Variants in TCF7L2 observed in about 807,000 individuals in gnomAD.
The protein encoded by TCF7L2 is transcription factor 7 like 2.
In TCF7L2, 23 loss-of-function variants were observed where a neutral mutation model predicts 77.9. That is an observed-to-expected ratio of 0.30 (90% confidence interval 0.21 to 0.42). The LOEUF (loss-of-function observed/expected upper bound fraction) is 0.42. Ranked by LOEUF, TCF7L2 falls within the 10% of genes least tolerant of loss-of-function variation. TCF7L2 has a pLI of 1.00. For missense variants in TCF7L2, 654 were observed against 793.1 expected, an observed-to-expected ratio of 0.82 and a Z score of 2.11; for synonymous variants, 413 against 340.2, an observed-to-expected ratio of 1.21 and a Z score of -2.36.
At chr10:113,033,593 C>T (rs544751350) in intron 4 of TCF7L2, among the ~76,000 whole-genome samples, 155 of 152,256 alleles carry the variant, frequency 1.0e-3, no homozygotes, top group Admixed American at 1.2e-3. Flanking sequence ...ACAGAGTCTA[C>T]CCAACCTTCT....
chr10:112,980,279 G>C (rs923467037), intron 4 of TCF7L2, among the ~76,000 whole-genome samples: 1 of 152,232 alleles, frequency 6.6e-6, no homozygotes, highest in Non-Finnish European at 1.5e-5. Context: ...AGGGCCTTCT[G>C]TGGTTTTTGT....
rs753939765 is a variant in TCF7L2, at chr10:113,160,686, G to A, written c.1386G>A (p.Pro462=). Residue 462 remains proline (P), a synonymous_variant, in exon 13 of 14, where the codon CCG becomes CCA. Transcript: ENST00000627217. ...ACCGACAGACTTTATGGTGCAAACC[G>A]TGCAGGTATATTACCACTGCGAGGC... 38 of 1,591,156 alleles carry A rather than the reference G, an allele frequency of 2.4e-5. No homozygotes were observed. The highest frequency in any genetic ancestry group is 2.9e-5 in the Non-Finnish European group (34 of 1,168,198).
chr10:113,030,847 T>G (rs2050088405), intron 4 of TCF7L2, among the ~76,000 whole-genome samples: 1 of 152,206 alleles, frequency 6.6e-6, no homozygotes, highest in Admixed American at 6.5e-5. Context: ...CCACAGCCCT[T>G]TGGGTGGGAC....
chr10:113,122,971 A>G (rs1351418846), intron 5 of TCF7L2, among the ~76,000 whole-genome samples: 3 of 152,224 alleles, frequency 2.0e-5, no homozygotes, highest in African/African-American at 7.2e-5. Flanking sequence ...TAACATTATC[A>G]AGTCACTAGT....
At chr10:113,036,562 T>G (rs2051291726) in intron 4 of TCF7L2, among the ~76,000 whole-genome samples, 1 of 152,082 alleles carries the variant, frequency 6.6e-6, no homozygotes, top group African/African-American at 2.4e-5. Flanking sequence ...TAACTTAAGC[T>G]CCCTGAGACA....
At chr10:113,085,173 C>T (rs1049099567) in intron 5 of TCF7L2, among the ~76,000 whole-genome samples, 5 of 151,722 alleles carry the variant, frequency 3.3e-5, no homozygotes, top group African/African-American at 1.2e-4. Context: ...CTTAACCAAA[C>T]CTTTCACCTT....
In TCF7L2 at chr10:113,099,058, G is replaced by C. The variant is rs2061355779; in HGVS notation, c.553-42126G>C. On this transcript the variant is annotated intron_variant, in intron 5 of 13. Transcript: ENST00000627217. ...ACTGCAGTGCCATAGTTGTCAGCTT[G>C]TTAGTTATTGGCAAGTCTTGGTTGG... Among the ~76,000 whole-genome samples, 2 of 152,202 alleles carry C rather than the reference G, an allele frequency of 1.3e-5. 1 individual carries two copies. Among genetic ancestry groups the C allele is most frequent in the East Asian group, 3.8e-4 (2 of 5,196 alleles).
At position 113,141,117 on chromosome 10, in the gene TCF7L2, G is replaced by A. The variant is rs1004948256; in HGVS notation, c.553-67G>A. The stretch of plus-strand genomic sequence containing the variant: ...TGTGGCCAAGGGAACCCACGGGCCC[G>A]GTGCTCTGAAGCCCTGGGCTGCTGG... On this transcript the variant is annotated intron_variant, in intron 5 of 13. Transcript: ENST00000627217. The A allele has an allele frequency of 7.6e-6, 12 of 1,588,464 alleles. 1 individual carries two copies. Among genetic ancestry groups the A allele is most frequent in the Admixed American group, 6.8e-5 (4 of 58,478 alleles).
intron 5 of TCF7L2, among the ~76,000 whole-genome samples, chr10:113,049,439 C>T (rs922973589): frequency 6.6e-5 from 10 of 152,042 alleles, no homozygotes; most frequent in Non-Finnish European, 1.5e-4. Flanking sequence ...ATCAGCCCAT[C>T]CCACAGGCCC....
chr10:112,990,017 C>T (rs1241071956), intron 4 of TCF7L2, among the ~76,000 whole-genome samples: 4 of 152,138 alleles, frequency 2.6e-5, no homozygotes, highest in African/African-American at 9.7e-5. Context: ...GGAGCTCATA[C>T]AGTGAAATGG....
At chr10:113,108,228 C>A (rs542080231) in intron 5 of TCF7L2, among the ~76,000 whole-genome samples, 2 of 152,300 alleles carry the variant, frequency 1.3e-5, no homozygotes, top group East Asian at 3.9e-4. Context: ...CCCCCCACCC[C>A]ACCAGGCAAA....
intron 5 of TCF7L2, chr10:113,129,803 C>A (rs1294153858): frequency 2.3e-6 from 3 of 1,286,686 alleles, no homozygotes; most frequent in Non-Finnish European, 3.0e-6. Flanking sequence ...CTGGCCCAGT[C>A]CCATCTCGAA....
At chr10:113,157,926 T>G (rs770758112) in intron 11 of TCF7L2, 95 bp from the exon 12 acceptor site, 20 of 1,306,026 alleles carry the variant, frequency 1.5e-5, no homozygotes, top group Non-Finnish European at 2.1e-5. Flanking sequence ...GGCAGTATGG[T>G]CACTTCCTCC....
In TCF7L2 at chr10:113,141,315, A is replaced by T. The variant is rs2136842611; in HGVS notation, c.684A>T (p.Thr228=). 6.2e-7 allele frequency: 1 copy of T among 1,614,102 alleles called. No homozygotes were observed. Among genetic ancestry groups the T allele is most frequent in the Non-Finnish European group, 8.5e-7 (1 of 1,179,992 alleles). The stretch of plus-strand genomic sequence containing the variant: ...TACCAGCCGACGTAGACCCCAAAAC[A>T]GGTAGGCTGTGGGCTACGGAGCCAA... The change falls in exon 6 of 14, where the codon ACA becomes ACT. Residue 228 remains threonine, a splice_region_variant and synonymous_variant. Coordinates refer to ENST00000627217, the MANE Select transcript of TCF7L2 (RefSeq NM_001146274.2).
intron 4 of TCF7L2, among the ~76,000 whole-genome samples, chr10:113,004,718 G>C (rs1442806865): frequency 6.6e-6 from 1 of 151,890 alleles, no homozygotes; most frequent in East Asian, 1.9e-4. Context: ...CGTCACCCAG[G>C]TTGGAGTGCA....
rs1272999799 is a variant in TCF7L2, at chr10:113,158,145, G to T, written c.1318+76G>T. 2.7e-6 allele frequency: 4 copies of T among 1,494,666 alleles called. No homozygotes were observed. In the East Asian group the frequency reaches 9.8e-5, roughly 37 times the overall value. The allele number at this position is 1,494,666 out of a possible 1,614,324, so 92.6% of individuals were successfully genotyped here. On this transcript the variant is annotated intron_variant, in intron 12 of 13. Transcript: ENST00000627217. ...CCTTTTATGTTAGGTTTCCATCTGG[G>T]GGAGGCAGGAGAAATTCAAGGCCAG... is the stretch of plus-strand genomic sequence containing the variant.
At chr10:112,961,346 G>A (rs72826053) in intron 3 of TCF7L2, among the ~76,000 whole-genome samples, 54,446 of 149,776 alleles carry the variant, frequency 0.36, 11,269 homozygotes, top group African/African-American at 0.58. Flanking sequence ...AAACTCAGAT[G>A]TGCCTTAGTC....
chr10:113,158,087 G>A lies in TCF7L2; in HGVS notation c.1318+18G>A, dbSNP rs2137365850. On this transcript the variant is annotated intron_variant, in intron 12 of 13. Coordinates refer to ENST00000627217, the MANE Select transcript of TCF7L2 (RefSeq NM_001146274.2). ...GACCAATGGTAAGTGACAATCATCA[G>A]GTTAGAGGAAGGAGCTGTAGCCTGA... The A allele has an allele frequency of 2.5e-6, 4 of 1,589,826 alleles. No homozygotes were observed. Among genetic ancestry groups the A allele is most frequent in the Non-Finnish European group, 3.4e-6 (4 of 1,166,960 alleles).
chr10:113,092,795 C>T (rs932063952), intron 5 of TCF7L2, among the ~76,000 whole-genome samples: 7 of 152,064 alleles, frequency 4.6e-5, no homozygotes, highest in African/African-American at 9.7e-5. Context: ...ATCTGGGGGA[C>T]GGAGGTTGCA....
Sources: gnomAD v4.1 joint callset for allele counts (sites outside exome capture counted in the v4.1 genomes callset) on GRCh38, gnomAD v4.1.1 for gene constraint, MANE v1.5 for transcripts, NCBI Gene and HGNC (gene_info 2026-07-23, HGNC 2026-07-21) for gene names.